Variants in ATG13 observed in about 807,000 individuals in gnomAD.
ATG13 encodes the protein autophagy related 13.
A neutral mutation model predicts 65.5 loss-of-function variants in ATG13; 23 were observed. The observed-to-expected ratio is 0.35, with a 90% CI of 0.25 to 0.50. The LOEUF (loss-of-function observed/expected upper bound fraction) is 0.50, where lower values mean the gene tolerates loss of function less well. Among genes scored for constraint, ATG13 ranks in the 20% least tolerant of loss-of-function variants. ATG13 has a pLI of 0.98. For synonymous variants in ATG13, 252 were observed against 245.2 expected (o/e 1.03, Z -0.26); for missense variants, 566 against 677.0 (o/e 0.84, Z 1.82).
chr11:46,624,065 C>T (rs555293467), intron 1 of ATG13, among the ~76,000 whole-genome samples: 10 of 150,452 alleles, frequency 6.6e-5, no homozygotes, highest in Admixed American at 4.0e-4. Context: ...AGTACAGTGG[C>T]GCAATCTCGG....
At chr11:46,669,317 G>C in intron 17 of ATG13, 87 bp from the exon 18 acceptor site, 1 of 1,503,360 alleles carries the variant, frequency 6.7e-7, no homozygotes, top group South Asian at 1.2e-5. Context: ...AGAACCTTTT[G>C]ATAATTGCTA....
rs551586608 is a variant in ATG13 at position 46,620,515 on chromosome 11, C to T, written c.-70+2625C>T. Among the ~76,000 whole-genome samples the T allele has an allele frequency of 3.4e-4, 51 of 151,892 alleles. 1 individual carries two copies. The highest frequency in any genetic ancestry group is 6.9e-4 in the Non-Finnish European group (47 of 67,972). Reference sequence around the variant, plus strand: ...ATTGGGCTGGGCGCGGTTGCTCACACCTGAAATCCCAGCACCTTGGGAGGC... The same window carrying T: ...ATTGGGCTGGGCGCGGTTGCTCACATCTGAAATCCCAGCACCTTGGGAGGC... On this transcript the variant is annotated intron_variant, in intron 1 of 18. Coordinates refer to ENST00000683050, the MANE Select transcript of ATG13 (RefSeq NM_001346311.2).
intron 11 of ATG13, among the ~76,000 whole-genome samples, chr11:46,662,242 C>T (rs956464224): frequency 6.6e-6 from 1 of 152,130 alleles, no homozygotes; most frequent in Non-Finnish European, 1.5e-5. Flanking sequence ...TTTTTATAAG[C>T]TCATCCCAGC....
chr11:46,659,573 C>T, intron 11 of ATG13, 88 bp downstream of exon 11: 3 of 1,061,250 alleles, frequency 2.8e-6, no homozygotes, highest in East Asian at 4.8e-5. Flanking sequence ...GCTACAATCC[C>T]TTTTAATAGT....
At chr11:46,633,817 A>T (rs1405158735) in intron 2 of ATG13, among the ~76,000 whole-genome samples, 1 of 152,164 alleles carries the variant, frequency 6.6e-6, no homozygotes, top group East Asian at 1.9e-4. Context: ...TTTCCAAAAA[A>T]TATATTTATA....
intron 5 of ATG13, among the ~76,000 whole-genome samples, chr11:46,646,538 A>C (rs775087181): frequency 6.6e-6 from 1 of 151,566 alleles, no homozygotes; most frequent in Non-Finnish European, 1.5e-5. Flanking sequence ...ATCTTGACTC[A>C]CTCCAGCCTC....
At chr11:46,648,056 C>T (rs2058083680) in intron 5 of ATG13, among the ~76,000 whole-genome samples, 2 of 152,128 alleles carry the variant, frequency 1.3e-5, no homozygotes, top group Non-Finnish European at 2.9e-5. Flanking sequence ...TACACAGAGC[C>T]AAGTTCAATC....
chr11:46,632,872 G>A (rs2052319009), intron 2 of ATG13, among the ~76,000 whole-genome samples: 1 of 151,004 alleles, frequency 6.6e-6, no homozygotes, highest in Admixed American at 6.6e-5. Flanking sequence ...CTCAAAAATT[G>A]GAATCATGGG....
At chr11:46,667,668 A>C (rs1395763611) in intron 14 of ATG13, 105 bp from the exon 15 acceptor site, 2 of 782,676 alleles carry the variant, frequency 2.6e-6, no homozygotes, top group Admixed American at 2.6e-5. Context: ...AGTGGGGACC[A>C]ACTCCTGCCC....
chr11:46,651,326 G>A lies in ATG13; in HGVS notation c.458+1009G>A, dbSNP rs748697036. Among the ~76,000 whole-genome samples, 3 of 152,342 alleles carry A rather than the reference G, an allele frequency of 2.0e-5. 1 individual carries two copies. Among genetic ancestry groups the A allele is most frequent in the Middle Eastern group, 6.8e-3 (2 of 294 alleles). On this transcript the variant is annotated intron_variant, in intron 7 of 18. Coordinates refer to ENST00000683050, the MANE Select transcript of ATG13 (RefSeq NM_001346311.2). The stretch of plus-strand genomic sequence containing the variant: ...CAGTGCAGTTCTTATGAAGGAAGTA[G>A]CATTCAAGCTAGCCTATTAGGGAAA...
rs759213724 is a variant in ATG13 at position 46,622,154 on chromosome 11, G to T, written c.-70+4264G>T. ...TTATTTTAGAGATGGTATTTGCCCT[G>T]TTTCCCAGACTGGAGTGCGGTGAAG... is the stretch of plus-strand genomic sequence containing the variant. On this transcript the variant is annotated intron_variant, in intron 1 of 18. Coordinates refer to ENST00000683050, the MANE Select transcript of ATG13 (RefSeq NM_001346311.2). Among the ~76,000 whole-genome samples, 213 of 136,088 alleles carry T rather than the reference G, an allele frequency of 1.6e-3. 2 individuals are homozygous for T. The highest frequency in any genetic ancestry group is 2.4e-3 in the Non-Finnish European group (156 of 64,378). 89.3% of individuals were successfully genotyped at this position (136,088 alleles called of 152,430 possible).
intron 10 of ATG13, 76 bp from the exon 11 acceptor site, chr11:46,659,316 C>CTAGA (rs1476824588): frequency 1.0e-5 from 12 of 1,202,284 alleles, no homozygotes; most frequent in South Asian, 1.0e-4. Context: ...CCATCTCTAT[C>CTAGA]TAATCACCTT....
At position 46,664,891 on chromosome 11, in the gene ATG13, G is replaced by T. The variant is rs774788651; in HGVS notation, c.931G>T (p.Val311Phe). 7.4e-6 allele frequency: 12 copies of T among 1,613,848 alleles called. No homozygotes were observed. In the African/African-American group the frequency reaches 1.5e-4, roughly 20 times the overall value. The change falls in exon 13 of 19, where the codon GTT (valine) becomes TTT (phenylalanine). Residue 311 changes from valine (V) to phenylalanine (F), a missense_variant. Coordinates refer to ENST00000683050, the MANE Select transcript of ATG13 (RefSeq NM_001346311.2). ...TTCCTATCAGCCTGCTGCCCTGGGC[G>T]TTGGATCAGCTGACCTGGCTTATCC... ...RLSYQPAALG[V>F]GSADLAYPVV...
At chr11:46,618,194 T>C (rs1383417562) in intron 1 of ATG13, 2 of 296,392 alleles carry the variant, frequency 6.7e-6, no homozygotes, top group Admixed American at 1.0e-4. Context: ...TGGGTGCCAA[T>C]ATGAGTGAGG....
chr11:46,649,568 T>A (rs909813391), intron 6 of ATG13, among the ~76,000 whole-genome samples: 1 of 152,246 alleles, frequency 6.6e-6, no homozygotes, highest in African/African-American at 2.4e-5. Context: ...TGCTCCTTTT[T>A]ACAGACTGTA....
chr11:46,636,374 A>C (rs916716674), intron 2 of ATG13, among the ~76,000 whole-genome samples: 1 of 151,758 alleles, frequency 6.6e-6, no homozygotes, highest in Non-Finnish European at 1.5e-5. Context: ...TGGCTAACAC[A>C]GTGAAACCCC....
intron 1 of ATG13, among the ~76,000 whole-genome samples, chr11:46,619,901 C>T (rs535177911): frequency 6.7e-6 from 1 of 150,364 alleles, no homozygotes; most frequent in Non-Finnish European, 1.5e-5. Flanking sequence ...TAGTGTTGGG[C>T]GCCTGTAATC....
chr11:46,635,641 CA>C (rs2053677985), intron 2 of ATG13, among the ~76,000 whole-genome samples: 1 of 152,154 alleles, frequency 6.6e-6, no homozygotes, highest in Non-Finnish European at 1.5e-5. Context: ...TTGCAAAGAG[CA>C]AAGCGTAAAG....
Position 46,672,364 on chromosome 11 carries a change from T to C in ATG13, c.*32T>C. 13 of 1,614,014 alleles carry C rather than the reference T, an allele frequency of 8.1e-6. No individual in the cohort carries two copies. Among genetic ancestry groups the C allele is most frequent in the Non-Finnish European group, 1.1e-5 (13 of 1,179,890 alleles). Reference sequence around the variant, plus strand: ...CCTTGAGTCCCAGCAGCACCCCCTTTTTGTGGCCCCAGGGCATAAGCAGCC... The same window carrying C: ...CCTTGAGTCCCAGCAGCACCCCCTTCTTGTGGCCCCAGGGCATAAGCAGCC... On this transcript the variant is annotated 3_prime_UTR_variant, in exon 19 of 19. Transcript: ENST00000683050.
Sources: gnomAD v4.1 joint callset for allele counts (sites outside exome capture counted in the v4.1 genomes callset) on GRCh38, gnomAD v4.1.1 for gene constraint, MANE v1.5 for transcripts, NCBI Gene and HGNC (gene_info 2026-07-23, HGNC 2026-07-21) for gene names.